Variants in UNKL observed in about 807,000 individuals in gnomAD.
The protein encoded by UNKL is putative E3 ubiquitin-protein ligase UNKL.
UNKL carries 60 observed loss-of-function variants against 78.0 expected under a neutral mutation model. The observed-to-expected ratio is 0.77, with a 90% CI of 0.63 to 0.95. The LOEUF (loss-of-function observed/expected upper bound fraction) is 0.95, where lower values mean the gene tolerates loss of function less well. Ranked by LOEUF, UNKL falls within the 40% of genes least tolerant of loss-of-function variation. The pLI is 0.00. For synonymous variants in UNKL, 608 were observed against 474.8 expected, an observed-to-expected ratio of 1.28 and a Z score of -3.65; for missense variants, 1,159 against 1,045.7, an observed-to-expected ratio of 1.11 and a Z score of -1.49.
chr16:1,372,208 G>C (rs976830982), intron 10 of UNKL, among the ~76,000 whole-genome samples: 1 of 152,108 alleles, frequency 6.6e-6, no homozygotes, highest in African/African-American at 2.4e-5. Flanking sequence ...AGCTTGCAGT[G>C]AGCCGAGATC....
intron 10 of UNKL, chr16:1,379,466 G>C (rs1455289650): frequency 2.0e-6 from 2 of 984,360 alleles, no homozygotes; most frequent in Non-Finnish European, 2.4e-6. Context: ...GCCTCGCTCC[G>C]GGCCTCTGAG....
rs1037155658 is a variant in UNKL at position 1,365,603 on chromosome 16, T to G, written c.*637A>C. On this transcript the variant is annotated 3_prime_UTR_variant, in exon 15 of 15. Coordinates refer to ENST00000389221, the MANE Select transcript of UNKL (RefSeq NM_001372107.1). The stretch of plus-strand genomic sequence containing the variant: ...TCTCAATCCATAATCACTCTGCTTA[T>G]AAATACTATTTGCACTTAATTGGAA... 6.5e-6 allele frequency: 1 copy of G among 152,686 alleles called. No homozygotes were observed. Among genetic ancestry groups the G allele is most frequent in the African/African-American group, 2.4e-5 (1 of 41,470 alleles). The allele number at this position is 152,686 out of a possible 1,614,324, so 9.5% of individuals were successfully genotyped here. A position where few individuals can be genotyped will look rare whatever the true frequency, so the allele number is the denominator to read the frequency against.
At chr16:1,371,226 G>A (rs1244504777) in intron 11 of UNKL, among the ~76,000 whole-genome samples, 1 of 152,224 alleles carries the variant, frequency 6.6e-6, no homozygotes. Flanking sequence ...TGGGACAAAG[G>A]TCAACTGAAG....
At chr16:1,389,977 C>CTCAT (rs371774456) in intron 9 of UNKL, among the ~76,000 whole-genome samples, 99 of 152,138 alleles carry the variant, frequency 6.5e-4, no homozygotes, top group East Asian at 1.9e-3. Context: ...CTAAAACTAC[C>CTCAT]TCATTCATTC....
In UNKL at chr16:1,363,636, C is replaced by CCTCCA. The variant is rs1306592872; in HGVS notation, c.*2599_*2603dup. The CCTCCA allele has an allele frequency of 5.1e-6, 1 of 195,034 alleles. No individual in the cohort carries two copies. Among genetic ancestry groups the CCTCCA allele is most frequent in the Non-Finnish European group, 1.1e-5 (1 of 93,348 alleles). The allele number at this position is 195,034 out of a possible 1,614,324, so 12.1% of individuals were successfully genotyped here. On this transcript the variant is annotated 3_prime_UTR_variant, in exon 15 of 15. Coordinates refer to ENST00000389221, the MANE Select transcript of UNKL (RefSeq NM_001372107.1). Reference sequence around the variant, plus strand: ...GCTGCTGGGCGCGCCTCCACCTCAGCCTCCACGGGGCACCTTCCAGCCACT... The same window carrying CCTCCA: ...GCTGCTGGGCGCGCCTCCACCTCAGCCTCCACTCCACGGGGCACCTTCCAGCCACT...
chr16:1,403,614 AAC>A lies in UNKL; in HGVS notation c.288-272_288-271del, dbSNP rs1419046263. On this transcript the variant is annotated intron_variant, in intron 2 of 14. Coordinates refer to ENST00000389221, the MANE Select transcript of UNKL (RefSeq NM_001372107.1). The surrounding 1 kb of genome is among the most constrained non-coding windows in gnomAD (Gnocchi z 4.8). The stretch of plus-strand genomic sequence containing the variant: ...ACCATCGCAAACCCCCAGTCAGCCA[AAC>A]ACAGCAGGAAACACAATGCTGAATT... Among the ~76,000 whole-genome samples, 2 of 152,162 alleles carry A rather than the reference AAC, an allele frequency of 1.3e-5. No homozygotes were observed. The highest frequency in any genetic ancestry group is 4.8e-5 in the African/African-American group (2 of 41,426).
At chr16:1,393,714 G>T (rs1003484698) in intron 7 of UNKL, among the ~76,000 whole-genome samples, 8 of 151,698 alleles carry the variant, frequency 5.3e-5, no homozygotes, top group African/African-American at 2.0e-4. Flanking sequence ...TCTCCACAAG[G>T]GAGGTGGTGC....
At chr16:1,410,783 T>G (rs2038005976) in intron 2 of UNKL, among the ~76,000 whole-genome samples, 1 of 152,174 alleles carries the variant, frequency 6.6e-6, no homozygotes, top group Admixed American at 6.6e-5. Context: ...AGACATCAAC[T>G]AGACAAATAC....
At chr16:1,367,953 G>C in intron 12 of UNKL, 95 bp from the exon 13 acceptor site, 1 of 1,169,970 alleles carries the variant, frequency 8.5e-7, no homozygotes, top group African/African-American at 1.5e-5. Flanking sequence ...CCGCTACGTG[G>C]GCACCCTCTG....
At chr16:1,392,385 C>T (rs561130457) in intron 8 of UNKL, among the ~76,000 whole-genome samples, 99 of 152,156 alleles carry the variant, frequency 6.5e-4, no homozygotes, top group African/African-American at 2.2e-3. Flanking sequence ...TCTTACCTTC[C>T]GCCAGTCTCC....
At position 1,390,708 on chromosome 16, in the gene UNKL, A is replaced by G. The variant is rs1385973387; in HGVS notation, c.1024-14T>C. On this transcript the variant is annotated splice_polypyrimidine_tract_variant and intron_variant, in intron 8 of 14. Coordinates refer to ENST00000389221, the MANE Select transcript of UNKL (RefSeq NM_001372107.1). The stretch of plus-strand genomic sequence containing the variant: ...TCTCCGCTTGGCCTGCAACATAAAA[A>G]ACAGTCATATGTGGAAAAAGCAGGG... 6.5e-7 allele frequency: 1 copy of G among 1,535,912 alleles called. No individual in the cohort carries two copies. The highest frequency in any genetic ancestry group is 2.0e-5 in the Admixed American group (1 of 50,982).
At chr16:1,370,767 G>A (rs1028831658) in intron 11 of UNKL, among the ~76,000 whole-genome samples, 2 of 152,234 alleles carry the variant, frequency 1.3e-5, no homozygotes, top group African/African-American at 2.4e-5. Context: ...TGAATGAAAA[G>A]ATGTTGTATA....
At position 1,401,675 on chromosome 16, in the gene UNKL, T is replaced by C. The variant is rs1464436114; in HGVS notation, c.491A>G (p.Gln164Arg). The stretch of plus-strand genomic sequence containing the variant: ...TTCCCCGCCGCCCAGCTGGCCGTTC[T>C]GCAAGGCTTCCTGGGCCTGCAGCTC... Reference protein sequence around the residue: ...VRELQAQEALQNGQLGGGEGV... With the variant: ...VRELQAQEALRNGQLGGGEGV... The change falls in exon 4 of 15, where the codon CAG becomes CGG. Residue 164 changes from glutamine (Q) to arginine (R), a missense_variant. Transcript: ENST00000389221. 6.2e-6 allele frequency: 10 copies of C among 1,611,728 alleles called. No homozygotes were observed. The highest frequency in any genetic ancestry group is 8.5e-6 in the Non-Finnish European group (10 of 1,179,172).
At position 1,366,344 on chromosome 16, in the gene UNKL, G is replaced by C. The variant is rs1177350056; in HGVS notation, c.2098C>G (p.His700Asp). 6.2e-7 allele frequency: 1 copy of C among 1,604,470 alleles called. No individual in the cohort carries two copies. The change falls in exon 15 of 15, where the codon CAC becomes GAC. Residue 700 changes from histidine (H) to aspartate (D), a missense_variant. Transcript: ENST00000389221. ...TGACAGGGCCGCAGGACAGCACCGTGGGCCCGCTCCCGGCAGGCCACACAC... is the reference window on the plus strand; with the variant it reads ...TGACAGGGCCGCAGGACAGCACCGTCGGCCCGCTCCCGGCAGGCCACACAC... ...KQCVACRERA[H>D]GAVLRPCQHH...
At position 1,371,170 on chromosome 16, in the gene UNKL, A is replaced by G. The variant is rs141811493; in HGVS notation, c.1357+349T>C. 8.7e-4 allele frequency among the ~76,000 whole-genome samples: 132 copies of G among 152,076 alleles called. 1 individual carries two copies. Among genetic ancestry groups the G allele is most frequent in the Middle Eastern group, 3.5e-3 (1 of 288 alleles). ...ATACATTTATCCTTCGGGGACCATC[A>G]AGACTTTCAGGAAAGGCCCCGCCTG... On this transcript the variant is annotated intron_variant, in intron 11 of 14. Coordinates refer to ENST00000389221, the MANE Select transcript of UNKL (RefSeq NM_001372107.1).
chr16:1,369,868 G>T (rs2035644807), intron 12 of UNKL: 1 of 1,367,098 alleles, frequency 7.3e-7, no homozygotes, highest in Non-Finnish European at 1.0e-6. Flanking sequence ...CCAGCTACTT[G>T]GGTGGCTGAG....
intron 7 of UNKL, 27 bp from the exon 8 acceptor site, chr16:1,393,003 CTG>C (rs1213624864): frequency 6.5e-7 from 1 of 1,548,796 alleles, no homozygotes; most frequent in East Asian, 2.4e-5. Flanking sequence ...GCAGCAGACT[CTG>C]AGGGCCGCTG....
At chr16:1,371,082 C>CAAAAAAAAAAAAAA (rs764163064) in intron 11 of UNKL, among the ~76,000 whole-genome samples, 3 of 67,972 alleles carry the variant, frequency 4.4e-5, no homozygotes, top group African/African-American at 8.8e-5. Flanking sequence ...GGCTCTGTCT[C>CAAAAAAAAAAAAAA]AAAAAAAAAA....
Position 1,379,216 on chromosome 16 carries a change from G to A in UNKL, c.1264+5992C>T, listed in dbSNP as rs570916397. ...AGGGCGGGGGAGCCGCCGACGCCAG[G>A]GAAATTCCCGTACCACGCGGGCTGA... On this transcript the variant is annotated intron_variant, in intron 10 of 14. Coordinates refer to ENST00000389221, the MANE Select transcript of UNKL (RefSeq NM_001372107.1). 1.5e-3 allele frequency: 230 copies of A among 153,608 alleles called. 1 individual carries two copies. Among genetic ancestry groups the A allele is most frequent in the Non-Finnish European group, 1.8e-3 (127 of 69,180 alleles). The allele number at this position is 153,608 out of a possible 1,614,324, so 9.5% of individuals were successfully genotyped here.
Sources: gnomAD v4.1 joint callset for allele counts (sites outside exome capture counted in the v4.1 genomes callset) on GRCh38, gnomAD v4.1.1 for gene constraint, Gnocchi (gnomAD v3.1) non-coding constraint, MANE v1.5 for transcripts, NCBI Gene and HGNC (gene_info 2026-07-23, HGNC 2026-07-21) for gene names.